The following DCLRE1A variants were observed in gnomAD, a reference collection of about 807,000 sequenced individuals.
The protein encoded by DCLRE1A is DNA cross-link repair 1A protein.
DCLRE1A carries 64 observed loss-of-function variants against 91.9 expected under a neutral mutation model. The ratio of observed to expected loss-of-function variants is 0.70; its 90% CI spans 0.57 to 0.86. The LOEUF (loss-of-function observed/expected upper bound fraction) is 0.86, where lower values mean the gene tolerates loss of function less well. Ranked by LOEUF, DCLRE1A falls within the 40% of genes least tolerant of loss-of-function variation. The probability of loss-of-function intolerance (pLI) is 0.00; values close to 1 mark genes in which losing one functional copy is unlikely to be tolerated. For missense variants in DCLRE1A, 1,145 were observed against 1,213.3 expected (o/e 0.94, Z 0.84); for synonymous variants, 416 against 431.1 (o/e 0.96, Z 0.43).
At position 113,852,797 on chromosome 10, in the gene DCLRE1A, A is replaced by G. The variant is rs1845677202; in HGVS notation, c.386T>C (p.Phe129Ser). 1.9e-6 allele frequency: 3 copies of G among 1,614,110 alleles called. No individual in the cohort carries two copies. Among genetic ancestry groups the G allele is most frequent in the Middle Eastern group, 1.6e-4 (1 of 6,084 alleles). Residue 129 changes from phenylalanine (F) to serine (S), a missense_variant, in exon 1 of 9, where the codon TTT becomes TCT. Coordinates refer to ENST00000361384, the MANE Select transcript of DCLRE1A (RefSeq NM_014881.5). ...DGYCPNCQMP[F>S]SSLIGQTPRW... ...AGGTGTCTGCCCTATCAATGAGGAA[A>G]AAGGCATCTGGCAATTTGGACAGTA... is the stretch of plus-strand genomic sequence containing the variant.
At chr10:113,837,502 C>T (rs1845382221) in intron 7 of DCLRE1A, among the ~76,000 whole-genome samples, 1 of 151,930 alleles carries the variant, frequency 6.6e-6, no homozygotes, top group African/African-American at 2.4e-5. Flanking sequence ...CTACCAAAAA[C>T]AAAAACAAAA....
chr10:113,849,164 T>G lies in DCLRE1A; in HGVS notation c.1941A>C (p.Gly647=). 1 of 1,614,144 alleles carries G rather than the reference T, an allele frequency of 6.2e-7. No individual in the cohort carries two copies. The highest frequency in any genetic ancestry group is 1.1e-5 in the South Asian group (1 of 91,078). The change falls in exon 2 of 9, where the codon GGA becomes GGC. Residue 647 remains glycine, a synonymous_variant. Transcript: ENST00000361384. ...RCRKSNSLQE[G]ACQKRSDHLI... ...GGTGATCTGATCTCTTCTGACACGC[T>G]CCTTCCTGCAGTGAATTTGACTTTC... is the stretch of plus-strand genomic sequence containing the variant.
At chr10:113,840,452 A>G (rs924101515) in intron 7 of DCLRE1A, among the ~76,000 whole-genome samples, 1 of 152,220 alleles carries the variant, frequency 6.6e-6, no homozygotes, top group African/African-American at 2.4e-5. Flanking sequence ...GAACTGTCAG[A>G]GAGGAAGAGG....
rs566488272 is a variant in DCLRE1A, at chr10:113,839,102, G to C, written c.2821-1899C>G. On this transcript the variant is annotated intron_variant, in intron 7 of 8. Coordinates refer to ENST00000361384, the MANE Select transcript of DCLRE1A (RefSeq NM_014881.5). ...GCACTTTGGGAGGCCAAGGCGGGCA[G>C]ATCACGAGGTCAGGAGATTGAGACC... 7.2e-5 allele frequency among the ~76,000 whole-genome samples: 11 copies of C among 152,282 alleles called. No individual in the cohort carries two copies. In the East Asian group the frequency reaches 2.1e-3, roughly 29 times the overall value.
chr10:113,839,080 C>T (rs963542070), intron 7 of DCLRE1A, among the ~76,000 whole-genome samples: 1 of 152,096 alleles, frequency 6.6e-6, no homozygotes, highest in African/African-American at 2.4e-5. Flanking sequence ...ATTCCCAGCA[C>T]TTTGGGAGGC....
chr10:113,853,070 G>A lies in DCLRE1A; in HGVS notation c.113C>T (p.Ala38Val). 6.2e-7 allele frequency: 1 copy of A among 1,612,704 alleles called. No homozygotes were observed. Among genetic ancestry groups the A allele is most frequent in the Non-Finnish European group, 8.5e-7 (1 of 1,179,776 alleles). The change falls in exon 1 of 9, where the codon GCA becomes GTA. Residue 38 changes from alanine to valine, a missense_variant. Transcript: ENST00000361384. ...TTTTGACTGGTATTTTCCATCTGTT[G>A]CTTTTTCAACAGATTTTAGAATATT... ...SKNILKSVEK[A>V]TDGKYQSKRS...
In DCLRE1A at chr10:113,850,431, G is replaced by GA. The variant is rs1845628517; in HGVS notation, c.673dup (p.Ser225PhefsTer3). The GA allele has an allele frequency of 1.9e-6, 3 of 1,614,210 alleles. No individual in the cohort carries two copies. Among genetic ancestry groups the GA allele is most frequent in the Non-Finnish European group, 2.5e-6 (3 of 1,180,036 alleles). Reference sequence around the variant, plus strand: ...CTGTGTCATCAATAAGGGATCATTTGAAACCGAGTTATCAGTTTGGTTCTG... The same window carrying GA: ...CTGTGTCATCAATAAGGGATCATTTGAAAACCGAGTTATCAGTTTGGTTCTG... On this transcript the variant is annotated frameshift_variant, in exon 2 of 9. Coordinates refer to ENST00000361384, the MANE Select transcript of DCLRE1A (RefSeq NM_014881.5). LOFTEE classifies it high-confidence loss of function.
At chr10:113,843,035 C>CACACACACACAA (rs1374650875) in intron 5 of DCLRE1A, among the ~76,000 whole-genome samples, 5 of 145,076 alleles carry the variant, frequency 3.4e-5, no homozygotes, top group Non-Finnish European at 6.1e-5. Flanking sequence ...CACACACACA[C>CACACACACACAA]ACACACACAC....
chr10:113,836,797 T>G (rs1845369321), intron 8 of DCLRE1A, among the ~76,000 whole-genome samples: 1 of 152,192 alleles, frequency 6.6e-6, no homozygotes, highest in Non-Finnish European at 1.5e-5. Flanking sequence ...AGTAGTCCTT[T>G]CAAGTTAATT....
chr10:113,847,483 G>T, intron 2 of DCLRE1A, 148 bp from the exon 3 acceptor site: 2 of 911,810 alleles, frequency 2.2e-6, no homozygotes, highest in Non-Finnish European at 3.0e-6. Context: ...TTTAACAAAA[G>T]GTAACACTAA....
At chr10:113,840,749 T>C (rs777919369) in intron 7 of DCLRE1A, among the ~76,000 whole-genome samples, 1 of 152,224 alleles carries the variant, frequency 6.6e-6, no homozygotes, top group African/African-American at 2.4e-5. Flanking sequence ...AATACATTGT[T>C]TCATGCATTA....
chr10:113,850,212 AT>A lies in DCLRE1A; in HGVS notation c.892del (p.Ile298SerfsTer55), dbSNP rs755242470. 1.2e-6 allele frequency: 2 copies of A among 1,614,066 alleles called. No individual in the cohort carries two copies. Among genetic ancestry groups the A allele is most frequent in the South Asian group, 2.2e-5 (2 of 91,086 alleles). On this transcript the variant is annotated frameshift_variant, in exon 2 of 9. Transcript: ENST00000361384. LOFTEE classifies it high-confidence loss of function. ...ATCACTTTGAAGTGGAGAATAGGAG[AT>A]TTCACAGTCACTGAAGTCATTTTCT... ...LPENDFSDCEISYSPLQSDED... is the reference protein window; with the variant it reads ...LPENDFSDCEXSYSPLQSDED...
intron 8 of DCLRE1A, among the ~76,000 whole-genome samples, chr10:113,836,478 G>GA (rs1237729682): frequency 6.6e-6 from 1 of 151,498 alleles, no homozygotes; most frequent in African/African-American, 2.4e-5. Context: ...AAAAAAATAG[G>GA]AAAAAAAGAA....
chr10:113,849,163 C>T lies in DCLRE1A; in HGVS notation c.1942G>A (p.Ala648Thr). The change falls in exon 2 of 9, where the codon GCG (alanine) becomes ACG (threonine). Residue 648 changes from alanine (A) to threonine (T), a missense_variant. Transcript: ENST00000361384. The stretch of plus-strand genomic sequence containing the variant: ...AGGTGATCTGATCTCTTCTGACACG[C>T]TCCTTCCTGCAGTGAATTTGACTTT... ...CRKSNSLQEG[A>T]CQKRSDHLIN... 1 of 1,614,104 alleles carries T rather than the reference C, an allele frequency of 6.2e-7. No homozygotes were observed. The highest frequency in any genetic ancestry group is 8.5e-7 in the Non-Finnish European group (1 of 1,180,010).
chr10:113,837,107 T>C lies in DCLRE1A; in HGVS notation c.2917A>G (p.Ile973Val). The C allele has an allele frequency of 6.2e-7, 1 of 1,613,012 alleles. No homozygotes were observed. Among genetic ancestry groups the C allele is most frequent in the Non-Finnish European group, 8.5e-7 (1 of 1,179,526 alleles). ...GWTHSNKFTR[I>V]ADVIPQTKGN... ...TTGGTCTGGGGAATAACATCTGCTA[T>C]TCTAGTGAACTTGTTAGAGTGTGTC... The change falls in exon 8 of 9, where the codon ATA (isoleucine) becomes GTA (valine). Residue 973 changes from isoleucine (I) to valine (V), a missense_variant. By Grantham distance (29) the Ile-to-Val change is conservative. Transcript: ENST00000361384.
At chr10:113,848,446 A>G (rs1845578265) in intron 2 of DCLRE1A, among the ~76,000 whole-genome samples, 1 of 152,190 alleles carries the variant, frequency 6.6e-6, no homozygotes, top group Non-Finnish European at 1.5e-5. Flanking sequence ...AACATCAATA[A>G]AGCACTTTAA....
rs1845615939 is a variant in DCLRE1A, at chr10:113,850,032, C to G, written c.1073G>C (p.Ser358Thr). The G allele has an allele frequency of 1.2e-6, 2 of 1,614,048 alleles. No individual in the cohort carries two copies. The highest frequency in any genetic ancestry group is 1.7e-6 in the Non-Finnish European group (2 of 1,180,042). ...TAAGAAGCTGTTCACTTTGGGGCAG[C>G]TCTCATCCTGGTCCTTCAGTAAGGG... ...HGPLLKDQDE[S>T]CPKVNSFLTR... Residue 358 changes from serine (S) to threonine (T), a missense_variant, in exon 2 of 9, where the codon AGC (serine) becomes ACC (threonine). Ser to Thr is a moderately conservative substitution (Grantham distance 58). Coordinates refer to ENST00000361384, the MANE Select transcript of DCLRE1A (RefSeq NM_014881.5).
chr10:113,846,059 A>G (rs976994876), intron 3 of DCLRE1A, among the ~76,000 whole-genome samples: 67 of 152,242 alleles, frequency 4.4e-4, no homozygotes, highest in African/African-American at 1.5e-3. Flanking sequence ...ATCTGGTTCC[A>G]GCCCATTCCT....
chr10:113,852,743 G>C lies in DCLRE1A; in HGVS notation c.440C>G (p.Ser147Cys), dbSNP rs1489429876. Residue 147 changes from serine to cysteine, a missense_variant, in exon 1 of 9, where the codon TCT becomes TGT. Coordinates refer to ENST00000361384, the MANE Select transcript of DCLRE1A (RefSeq NM_014881.5). ...PRWHVFECLD[S>C]PPRSETECPD... ...CTTACCTGTTTCAGAGCGTGGTGGA[G>C]AATCCAAACATTCAAAAACATGCCA... is the stretch of plus-strand genomic sequence containing the variant. 1 of 1,613,994 alleles carries C rather than the reference G, an allele frequency of 6.2e-7. No homozygotes were observed. Among genetic ancestry groups the C allele is most frequent in the Admixed American group, 1.7e-5 (1 of 60,016 alleles).
Sources: gnomAD v4.1 joint callset for allele counts (sites outside exome capture counted in the v4.1 genomes callset) on GRCh38, gnomAD v4.1.1 for gene constraint, MANE v1.5 for transcripts, NCBI Gene and HGNC (gene_info 2026-07-23, HGNC 2026-07-21) for gene names.